Variants in ERBB4 observed in about 807,000 individuals in gnomAD.
ERBB4 encodes the protein receptor tyrosine-protein kinase erbB-4.
In ERBB4, 42 loss-of-function variants were observed where a neutral mutation model predicts 158.0. The observed-to-expected ratio is 0.27, with a 90% CI of 0.21 to 0.34. The LOEUF is 0.34. ERBB4 is among the 10% of genes least tolerant of loss of function. ERBB4 has a pLI of 1.00. For missense variants in ERBB4, 1,333 were observed against 1,624.1 expected, an observed-to-expected ratio of 0.82 and a Z score of 3.08; for synonymous variants, 583 against 558.7, an observed-to-expected ratio of 1.04 and a Z score of -0.61.
intron 2 of ERBB4, among the ~76,000 whole-genome samples, chr2:212,046,751 T>C (rs1465101767): frequency 6.6e-6 from 1 of 152,180 alleles, no homozygotes; most frequent in Non-Finnish European, 1.5e-5. Flanking sequence ...GAAAAATTTC[T>C]TCACCTAGTG....
chr2:211,556,110 A>T (rs1336834704), intron 20 of ERBB4, among the ~76,000 whole-genome samples: 1 of 152,246 alleles, frequency 6.6e-6, no homozygotes, highest in Non-Finnish European at 1.5e-5. Flanking sequence ...AAGCAAATGG[A>T]AAACAGAAAA....
chr2:211,932,070 T>A (rs1483503713), intron 3 of ERBB4, among the ~76,000 whole-genome samples: 2 of 152,080 alleles, frequency 1.3e-5, no homozygotes, highest in Non-Finnish European at 2.9e-5. Context: ...TCAGGCTTTT[T>A]TCTACAACTT....
intron 3 of ERBB4, among the ~76,000 whole-genome samples, chr2:211,868,245 C>T (rs983050678): frequency 6.6e-6 from 1 of 152,170 alleles, no homozygotes; most frequent in Non-Finnish European, 1.5e-5. Flanking sequence ...GGAAGATACA[C>T]AGGATCTAGA....
At chr2:212,098,525 C>G (rs1343185255) in intron 2 of ERBB4, among the ~76,000 whole-genome samples, 1 of 151,976 alleles carries the variant, frequency 6.6e-6, no homozygotes, top group African/African-American at 2.4e-5. Context: ...AAAGGAAACC[C>G]CCACTTTGAT....
intron 25 of ERBB4, among the ~76,000 whole-genome samples, chr2:211,402,862 T>C (rs1285550508): frequency 6.6e-6 from 1 of 152,028 alleles, no homozygotes; most frequent in African/African-American, 2.4e-5. Flanking sequence ...CGGCTTTCAC[T>C]AACATGCTAT....
chr2:211,608,727 GTTAAAT>G (rs2069079386), intron 19 of ERBB4, among the ~76,000 whole-genome samples: 1 of 152,074 alleles, frequency 6.6e-6, no homozygotes, highest in South Asian at 2.1e-4. Flanking sequence ...GTGCAGTTGA[GTTAAAT>G]TATTTTCCAC....
At chr2:212,124,405 C>T (rs1202368027) in intron 2 of ERBB4, among the ~76,000 whole-genome samples, 1 of 151,966 alleles carries the variant, frequency 6.6e-6, no homozygotes, top group African/African-American at 2.4e-5. Context: ...GAAATGGAGA[C>T]GACTGGCTAG....
In ERBB4 at chr2:212,446,591, GTATA is replaced by G. The variant is rs71057412; in HGVS notation, c.82+91854_82+91857del. ...TTAATAAACTCCCATATATATATATGTATATATATATATATATATATATATATAT... is the reference window on the plus strand; with the variant it reads ...TTAATAAACTCCCATATATATATATGTATATATATATATATATATATATAT... On this transcript the variant is annotated intron_variant, in intron 1 of 27. Transcript: ENST00000342788. Among the ~76,000 whole-genome samples the G allele has an allele frequency of 1.4e-3, 39 of 27,496 alleles. 1 individual carries two copies. The highest frequency in any genetic ancestry group is 5.6e-3 in the South Asian group (4 of 712). The allele number at this position is 27,496 out of a possible 152,430, so 18.0% of individuals were successfully genotyped here.
intron 1 of ERBB4, among the ~76,000 whole-genome samples, chr2:212,530,645 T>C (rs1270101901): frequency 6.6e-6 from 1 of 152,192 alleles, no homozygotes; most frequent in Non-Finnish European, 1.5e-5. Context: ...TTTTCAGTCC[T>C]AACCAGCCAT....
chr2:212,157,088 T>C (rs1274727759), intron 1 of ERBB4, among the ~76,000 whole-genome samples: 3 of 152,096 alleles, frequency 2.0e-5, no homozygotes, highest in East Asian at 1.9e-4. Flanking sequence ...TTAGACTACA[T>C]ACCATACTTC....
chr2:211,969,959 A>G (rs544356385), intron 2 of ERBB4, among the ~76,000 whole-genome samples: 3 of 151,854 alleles, frequency 2.0e-5, no homozygotes, highest in African/African-American at 7.2e-5. Flanking sequence ...TTGGTTCTCT[A>G]ATTCTTTTAG....
Position 211,388,026 on chromosome 2 carries a change from A to G in ERBB4, c.3136-34T>C, listed in dbSNP as rs753405634. ...AAAGAAAAATGGAATGATGGATATAATAAGAGGCAATATGAATGAAAAAAT... is the reference window on the plus strand; with the variant it reads ...AAAGAAAAATGGAATGATGGATATAGTAAGAGGCAATATGAATGAAAAAAT... On this transcript the variant is annotated intron_variant, in intron 25 of 27. Coordinates refer to ENST00000342788, the MANE Select transcript of ERBB4 (RefSeq NM_005235.3). 18 of 1,431,188 alleles carry G rather than the reference A, an allele frequency of 1.3e-5. No individual in the cohort carries two copies. The East Asian group carries it at 1.4e-4, about 11-fold the overall frequency. The allele number at this position is 1,431,188 out of a possible 1,614,324, so 88.7% of individuals were successfully genotyped here.
At position 211,953,842 on chromosome 2, in the gene ERBB4, CA is replaced by C. The variant is rs1443899661; in HGVS notation, c.235-6227del. On this transcript the variant is annotated intron_variant, in intron 2 of 27. Transcript: ENST00000342788. Reference sequence around the variant, plus strand: ...AAAATAATTTCCCATACCATATTAGCAATAAGTCCAGGAAAAAAATCATGAT... The same window carrying C: ...AAAATAATTTCCCATACCATATTAGCATAAGTCCAGGAAAAAAATCATGAT... Among the ~76,000 whole-genome samples the C allele has an allele frequency of 4.7e-5, 7 of 148,950 alleles. No individual in the cohort carries two copies. In the Admixed American group the frequency reaches 4.7e-4, roughly 10 times the overall value.
intron 1 of ERBB4, among the ~76,000 whole-genome samples, chr2:212,328,880 G>A (rs537575411): frequency 2.5e-4 from 38 of 152,072 alleles, no homozygotes; most frequent in Admixed American, 9.8e-4. Flanking sequence ...ATACAGCTGT[G>A]AATTCTCTCC....
intron 1 of ERBB4, among the ~76,000 whole-genome samples, chr2:212,434,690 T>C (rs2092099494): frequency 6.6e-6 from 1 of 151,952 alleles, no homozygotes; most frequent in Non-Finnish European, 1.5e-5. Context: ...AATCAGAACA[T>C]GTTCCATTCT....
chr2:212,266,205 G>C (rs561875619), intron 1 of ERBB4, among the ~76,000 whole-genome samples: 1 of 150,926 alleles, frequency 6.6e-6, no homozygotes, highest in East Asian at 1.9e-4. Context: ...AAACTAATAC[G>C]AGGAGGAGGG....
intron 1 of ERBB4, among the ~76,000 whole-genome samples, chr2:212,490,536 T>C (rs934115485): frequency 6.6e-6 from 1 of 151,822 alleles, no homozygotes; most frequent in Non-Finnish European, 1.5e-5. Flanking sequence ...GAGTCCTCAC[T>C]ATTTAATGAC....
chr2:212,465,099 T>G (rs572648428), intron 1 of ERBB4, among the ~76,000 whole-genome samples: 9 of 152,234 alleles, frequency 5.9e-5, no homozygotes, highest in African/African-American at 2.2e-4. Context: ...AATTACAATA[T>G]TGAAGAATTA....
intron 16 of ERBB4, among the ~76,000 whole-genome samples, chr2:211,645,680 C>T (rs1051260571): frequency 4.6e-5 from 7 of 151,578 alleles, no homozygotes; most frequent in Non-Finnish European, 8.9e-5. Flanking sequence ...AACTTGCAGC[C>T]GTACTTTGAT....
Sources: gnomAD v4.1 joint callset for allele counts (sites outside exome capture counted in the v4.1 genomes callset) on GRCh38, gnomAD v4.1.1 for gene constraint, MANE v1.5 for transcripts, NCBI Gene and HGNC (gene_info 2026-07-23, HGNC 2026-07-21) for gene names.